Variants in SP140 observed in about 807,000 individuals in gnomAD.
SP140 encodes the protein nuclear body protein SP140.
A neutral mutation model predicts 125.0 loss-of-function variants in SP140; 81 were observed. The observed-to-expected ratio is 0.65, with a 90% CI of 0.54 to 0.78. The LOEUF is 0.78. Among genes scored for constraint, SP140 ranks in the 30% least tolerant of loss-of-function variants. The pLI is 0.00. For missense variants in SP140, 858 were observed against 1,037.0 expected, an observed-to-expected ratio of 0.83 and a Z score of 2.37; for synonymous variants, 312 against 354.0, an observed-to-expected ratio of 0.88 and a Z score of 1.33.
chr2:230,288,473 CT>C (rs2056702853), intron 18 of SP140, among the ~76,000 whole-genome samples: 1 of 105,620 alleles, frequency 9.5e-6, no homozygotes, highest in Non-Finnish European at 2.0e-5. Context: ...TTCTTTCTTT[CT>C]TTCTTTCTTT....
chr2:230,243,688 AC>A (rs748292919), intron 4 of SP140, 42 bp from the exon 5 acceptor site: 1 of 1,438,008 alleles, frequency 7.0e-7, no homozygotes, highest in South Asian at 1.2e-5. Context: ...TGGCTTTTTG[AC>A]CATAAATCAA....
At chr2:230,245,219 G>T in intron 6 of SP140, 139 bp downstream of exon 6, 1 of 593,074 alleles carries the variant, frequency 1.7e-6, no homozygotes, top group Non-Finnish European at 3.0e-6. Flanking sequence ...CAGGTGTGTG[G>T]GAGGCAAGAG....
At chr2:230,214,088 T>C (rs561188857) in intron 3 of SP140, 6 of 152,360 alleles carry the variant, frequency 3.9e-5, no homozygotes, top group African/African-American at 1.4e-4. Flanking sequence ...AGTGAACATG[T>C]GATTTGGCCA....
rs1204989610 is a variant in SP140, at chr2:230,225,997, G to C, written c.59+94G>C. On this transcript the variant is annotated intron_variant, in intron 1 of 26. Transcript: ENST00000392045. ...AATGTCTACCCAGCTTCACTCTACAGGTATACAATAGAATTCAGTTACAAA... is the reference window on the plus strand; with the variant it reads ...AATGTCTACCCAGCTTCACTCTACACGTATACAATAGAATTCAGTTACAAA... The C allele has an allele frequency of 3.6e-5, 33 of 914,004 alleles. No individual in the cohort carries two copies. In the East Asian group the frequency reaches 8.5e-4, roughly 24 times the overall value. The allele number at this position is 914,004 out of a possible 1,614,324, so 56.6% of individuals were successfully genotyped here. A position where few individuals can be genotyped will look rare whatever the true frequency, so the allele number is the denominator to read the frequency against.
chr2:230,241,054 A>G (rs1384032076), intron 3 of SP140, among the ~76,000 whole-genome samples: 2 of 152,238 alleles, frequency 1.3e-5, no homozygotes, highest in East Asian at 3.8e-4. Flanking sequence ...TTGTAAGAGT[A>G]CATACTGCAT....
At chr2:230,186,557 A>T in the SP140 span, among the ~76,000 whole-genome samples, 2 of 152,180 alleles carry the variant, frequency 1.3e-5, no homozygotes, top group African/African-American at 4.8e-5. Context: ...TTTTGGTTAC[A>T]TGGATGAATT....
Position 230,288,518 on chromosome 2 carries a change from T to TTTCTTTCTTTCTTTCTTTC in SP140, c.1720+558_1720+559insCTTTCTTTCTTTCTTCTTT, listed in dbSNP as rs1553600262. On this transcript the variant is annotated intron_variant, in intron 18 of 26. Coordinates refer to ENST00000392045, the MANE Select transcript of SP140 (RefSeq NM_007237.5). The stretch of plus-strand genomic sequence containing the variant: ...CTTTCTTTCTTTCTTTCTTTCTTTC[T>TTTCTTTCTTTCTTTCTTTC]TTCTTTTTTTATTCTTTAAGTTCTG... 2.3e-3 allele frequency among the ~76,000 whole-genome samples: 259 copies of TTTCTTTCTTTCTTTCTTTC among 111,250 alleles called. 3 individuals carry two copies. Among genetic ancestry groups the TTTCTTTCTTTCTTTCTTTC allele is most frequent in the South Asian group, 5.1e-3 (16 of 3,154 alleles). The allele number at this position is 111,250 out of a possible 152,430, so 73.0% of individuals were successfully genotyped here.
At chr2:230,192,487 A>G in the SP140 span, among the ~76,000 whole-genome samples, 4 of 152,164 alleles carry the variant, frequency 2.6e-5, no homozygotes, top group East Asian at 7.7e-4. Flanking sequence ...CCTTTACACC[A>G]ACAATAGGCA....
chr2:230,312,748 A>G lies in SP140; in HGVS notation c.*64A>G. 1 of 1,253,246 alleles carries G rather than the reference A, an allele frequency of 8.0e-7. No homozygotes were observed. The highest frequency in any genetic ancestry group is 1.2e-5 in the South Asian group (1 of 82,880). 77.6% of individuals were successfully genotyped at this position (1,253,246 alleles called of 1,614,324 possible). On this transcript the variant is annotated 3_prime_UTR_variant, in exon 27 of 27. Coordinates refer to ENST00000392045, the MANE Select transcript of SP140 (RefSeq NM_007237.5). ...CCCTAAAATATGCCGCTGGTTTGCCACTGACTTCAAAATGAGGTCACTTGG... is the reference window on the plus strand; with the variant it reads ...CCCTAAAATATGCCGCTGGTTTGCCGCTGACTTCAAAATGAGGTCACTTGG...
upstream of SP140, among the ~76,000 whole-genome samples, chr2:230,224,012 C>G (rs970193530): frequency 6.6e-6 from 1 of 152,082 alleles, no homozygotes; most frequent in Non-Finnish European, 1.5e-5. Context: ...TATGCCTGGC[C>G]CAGGAATCCC....
chr2:230,248,311 A>G lies in SP140; in HGVS notation c.892+246A>G, dbSNP rs535100981. ...TATCACAAAGGCAAAGTAGAAAAGG[A>G]AGAGTGGGCACCAGTGTCCTGGATG... is the stretch of plus-strand genomic sequence containing the variant. On this transcript the variant is annotated intron_variant, in intron 8 of 26. Transcript: ENST00000392045. Among the ~76,000 whole-genome samples the G allele has an allele frequency of 7.9e-5, 12 of 152,290 alleles. 1 individual carries two copies. The South Asian group carries it at 2.5e-3, about 32-fold the overall frequency.
upstream of SP140, chr2:230,202,476 C>A: frequency 9.2e-7 from 1 of 1,085,582 alleles, no homozygotes. Context: ...GTACTTTTTC[C>A]TTTTACTATT....
downstream of SP140, among the ~76,000 whole-genome samples, chr2:230,315,641 G>C (rs1245272144): frequency 3.3e-5 from 5 of 152,116 alleles, no homozygotes; most frequent in Admixed American, 3.3e-4. Flanking sequence ...GACTGTCTTA[G>C]GGAAGGCCAA....
intron 15 of SP140, among the ~76,000 whole-genome samples, chr2:230,280,492 C>T (rs2055381874): frequency 6.6e-6 from 1 of 152,090 alleles, no homozygotes; most frequent in Non-Finnish European, 1.5e-5. Flanking sequence ...TATTGAGTTT[C>T]CAGATGTATA....
intron 15 of SP140, among the ~76,000 whole-genome samples, chr2:230,283,037 A>G (rs946343256): frequency 2.2e-4 from 34 of 152,242 alleles, no homozygotes; most frequent in African/African-American, 7.9e-4. Context: ...CCCCTAACAA[A>G]TGACTGAGAA....
chr2:230,279,815 G>A (rs2055260755), intron 15 of SP140, among the ~76,000 whole-genome samples: 1 of 151,998 alleles, frequency 6.6e-6, no homozygotes, highest in Non-Finnish European at 1.5e-5. Flanking sequence ...AAAAGATGGG[G>A]CCTCACTGTG....
chr2:230,287,919 G>T lies in SP140; in HGVS notation c.1673G>T (p.Arg558Leu). 1 of 1,611,928 alleles carries T rather than the reference G, an allele frequency of 6.2e-7. No individual in the cohort carries two copies. Among genetic ancestry groups the T allele is most frequent in the Non-Finnish European group, 8.5e-7 (1 of 1,179,604 alleles). The change falls in exon 18 of 27, where the codon CGC (arginine) becomes CTC (leucine). Residue 558 changes from arginine to leucine, a missense_variant. Coordinates refer to ENST00000392045, the MANE Select transcript of SP140 (RefSeq NM_007237.5). ...AGAAAGAGAGGCAAACCTGGAACCC[G>T]CTTCACTCAGAGTGACAGAGCTGCA... ...RGRKRGKPGT[R>L]FTQSDRAAQK...
chr2:230,310,609 T>A (rs2059254205), intron 23 of SP140, 134 bp from the exon 24 acceptor site: 3 of 1,585,584 alleles, frequency 1.9e-6, no homozygotes, highest in Non-Finnish European at 1.7e-6. Flanking sequence ...GAATCTTGCA[T>A]ACTTTGGGAG....
intron 20 of SP140, among the ~76,000 whole-genome samples, chr2:230,293,036 G>A (rs978584087): frequency 6.6e-6 from 1 of 152,158 alleles, no homozygotes; most frequent in Non-Finnish European, 1.5e-5. Flanking sequence ...TCTGACTAGG[G>A]TGCATGCAGA....
Sources: allele counts gnomAD v4.1 joint callset (sites outside exome capture counted in the v4.1 genomes callset), GRCh38; gene constraint gnomAD v4.1.1; transcripts MANE v1.5; gene names NCBI Gene and HGNC (gene_info 2026-07-23, HGNC 2026-07-21).